SLC25A48: variants seen among roughly 807,000 people sequenced by gnomAD.
SLC25A48 encodes solute carrier family 25 member 48, also known as CTC-321K16.1.
In SLC25A48, 29 loss-of-function variants were observed where a neutral mutation model predicts 32.2. The observed-to-expected ratio is 0.90, with a 90% CI of 0.67 to 1.23. The LOEUF (loss-of-function observed/expected upper bound fraction) is 1.23, where lower values mean the gene tolerates loss of function less well. Among genes scored for constraint, SLC25A48 ranks in the 50% most tolerant of loss-of-function variants. The probability of loss-of-function intolerance (pLI) is 0.00; values close to 1 mark genes in which losing one functional copy is unlikely to be tolerated. For missense variants in SLC25A48, 399 were observed against 422.7 expected (o/e 0.94, Z 0.49); for synonymous variants, 164 against 172.3 (o/e 0.95, Z 0.38).
intron 3 of SLC25A48, among the ~76,000 whole-genome samples, chr5:135,722,166 C>T (rs1754971402): frequency 6.6e-6 from 1 of 152,256 alleles, no homozygotes. Context: ...TATGTAGAAA[C>T]ATGCTAACTG....
chr5:135,681,971 T>C (rs1190778589), intron 3 of SLC25A48, among the ~76,000 whole-genome samples: 2 of 152,120 alleles, frequency 1.3e-5, no homozygotes, highest in African/African-American at 4.8e-5. Flanking sequence ...TGGACTCAGG[T>C]AGTTTCTTTC....
At chr5:135,878,974 C>T (rs1762244633) in intron 6 of SLC25A48, among the ~76,000 whole-genome samples, 1 of 152,164 alleles carries the variant, frequency 6.6e-6, no homozygotes, top group African/African-American at 2.4e-5. Context: ...TGGGTTATAA[C>T]TGCTTGAGAG....
Position 135,618,906 on chromosome 5 carries a change from C to CT in SLC25A48, c.-848-10319dup, listed in dbSNP as rs35210554. On this transcript the variant is annotated intron_variant, in intron 1 of 10. Coordinates refer to the SLC25A48 transcript ENST00000646290. ...TTGATAGATGACTAGATGCCTTTCT[C>CT]TTTTTTTTTTTTAGAATTTCTCTGT... is the stretch of plus-strand genomic sequence containing the variant. Among the ~76,000 whole-genome samples, 1,322 of 143,606 alleles carry CT rather than the reference C, an allele frequency of 9.2e-3. 13 individuals are homozygous for CT. The highest frequency in any genetic ancestry group is 0.029 in the African/African-American group (1,166 of 39,872). The allele number at this position is 143,606 out of a possible 152,430, so 94.2% of individuals were successfully genotyped here. A position where few individuals can be genotyped will look rare whatever the true frequency, so the allele number is the denominator to read the frequency against.
chr5:135,871,331 C>G (rs1458384520), intron 4 of SLC25A48, 130 bp from the exon 5 acceptor site: 2 of 1,142,180 alleles, frequency 1.8e-6, no homozygotes, highest in East Asian at 2.6e-5. Context: ...CCAAGAAGGT[C>G]AGATTTGGTA....
At chr5:135,826,581 G>C (rs1165225143) in intron 4 of SLC25A48, 1 of 152,218 alleles carries the variant, frequency 6.6e-6, no homozygotes, top group Non-Finnish European at 1.5e-5. Context: ...GCACTAATTG[G>C]ATGCTTTGGA....
At chr5:135,856,520 C>A (rs1760335174) in intron 4 of SLC25A48, among the ~76,000 whole-genome samples, 1 of 152,182 alleles carries the variant, frequency 6.6e-6, no homozygotes, top group South Asian at 2.1e-4. Context: ...AAGCATGGTG[C>A]TGCTGCTCCT....
chr5:135,799,134 C>T (rs1757258884), intron 3 of SLC25A48, among the ~76,000 whole-genome samples: 1 of 151,696 alleles, frequency 6.6e-6, no homozygotes. Context: ...TGATTTTACT[C>T]CCAATATCGC....
intron 3 of SLC25A48, chr5:135,742,491 G>C: frequency 1.9e-6 from 3 of 1,580,294 alleles, no homozygotes; most frequent in East Asian, 4.6e-5. Flanking sequence ...CCATGGGCAA[G>C]GTGGGCACTG....
chr5:135,625,032 G>A (rs540427392), intron 1 of SLC25A48, among the ~76,000 whole-genome samples: 1 of 152,244 alleles, frequency 6.6e-6, no homozygotes, highest in South Asian at 2.1e-4. Context: ...GGAGAAGGAT[G>A]AGCCATGTGC....
intron 4 of SLC25A48, among the ~76,000 whole-genome samples, chr5:135,861,429 G>A (rs748965689): frequency 6.6e-6 from 1 of 151,918 alleles, no homozygotes; most frequent in Non-Finnish European, 1.5e-5. Context: ...ACCCAAAAAA[G>A]GTTAGACAGC....
chr5:135,662,887 G>A (rs562964204), intron 3 of SLC25A48, among the ~76,000 whole-genome samples: 2 of 152,232 alleles, frequency 1.3e-5, no homozygotes, highest in East Asian at 3.9e-4. Flanking sequence ...GGCGGCTTCA[G>A]TGTCATCTCC....
At position 135,888,028 on chromosome 5, in the gene SLC25A48, C is replaced by T. The variant is rs1762797368; in HGVS notation, c.*8-4C>T. 1 of 1,551,448 alleles carries T rather than the reference C, an allele frequency of 6.4e-7. No homozygotes were observed. The highest frequency in any genetic ancestry group is 8.7e-7 in the Non-Finnish European group (1 of 1,146,646). On this transcript the variant is annotated splice_polypyrimidine_tract_variant and splice_region_variant and intron_variant, in intron 7 of 7. Coordinates refer to ENST00000681962, the MANE Select transcript of SLC25A48 (RefSeq NM_001349336.2). ...TCTGAGTCTGGGTTGTTTGCTGTTT[C>T]CAGGAGGTGAACACAGGATGACTAC...
intron 3 of SLC25A48, among the ~76,000 whole-genome samples, chr5:135,686,548 T>C (rs1754024369): frequency 6.6e-6 from 1 of 152,224 alleles, no homozygotes; most frequent in Admixed American, 6.5e-5. Flanking sequence ...CCTGGCACAC[T>C]ATAGTACTTC....
At chr5:135,769,443 A>G (rs1412310347) in intron 3 of SLC25A48, among the ~76,000 whole-genome samples, 1 of 151,792 alleles carries the variant, frequency 6.6e-6, no homozygotes, top group Non-Finnish European at 1.5e-5. Context: ...TATTACTCCC[A>G]GGAGTGTACA....
At chr5:135,640,960 C>G (rs988484906) in intron 3 of SLC25A48, among the ~76,000 whole-genome samples, 1 of 152,174 alleles carries the variant, frequency 6.6e-6, no homozygotes, top group Non-Finnish European at 1.5e-5. Context: ...CTGTACTCAT[C>G]ATTTCTATTC....
chr5:135,706,843 C>A (rs1754523018), intron 3 of SLC25A48, among the ~76,000 whole-genome samples: 1 of 152,216 alleles, frequency 6.6e-6, no homozygotes, highest in Admixed American at 6.5e-5. Context: ...CACTGTCAGG[C>A]AGTGGTGGGT....
intron 3 of SLC25A48, among the ~76,000 whole-genome samples, chr5:135,740,746 A>T (rs1217246348): frequency 6.6e-6 from 1 of 152,216 alleles, no homozygotes; most frequent in Non-Finnish European, 1.5e-5. Context: ...CTTGGTGGAC[A>T]GATGCTGGGG....
At chr5:135,772,628 GA>G (rs1428700203) in intron 3 of SLC25A48, among the ~76,000 whole-genome samples, 2 of 149,316 alleles carry the variant, frequency 1.3e-5, no homozygotes, top group East Asian at 2.0e-4. Flanking sequence ...GTAATAACTG[GA>G]GGGGGGGAGA....
At chr5:135,638,741 G>A (rs146706287) in intron 3 of SLC25A48, among the ~76,000 whole-genome samples, 85 of 152,254 alleles carry the variant, frequency 5.6e-4, no homozygotes, top group African/African-American at 1.9e-3. Flanking sequence ...CAAATATAAC[G>A]TCTTATGATC....
Sources: gnomAD v4.1 joint callset for allele counts (sites outside exome capture counted in the v4.1 genomes callset) on GRCh38, gnomAD v4.1.1 for gene constraint, MANE v1.5 for transcripts, NCBI Gene and HGNC (gene_info 2026-07-23, HGNC 2026-07-21) for gene names.